Variants in ADGRF1 observed in about 807,000 individuals in gnomAD.
The protein encoded by ADGRF1 is G protein-coupled receptor 110.
In ADGRF1, 85 loss-of-function variants were observed where a neutral mutation model predicts 87.2. That is an observed-to-expected ratio of 0.97 (90% CI 0.82 to 1.17). The LOEUF (loss-of-function observed/expected upper bound fraction) is 1.17. Among genes scored for constraint, ADGRF1 ranks in the 50% most tolerant of loss-of-function variants. The pLI, the probability that ADGRF1 is intolerant of heterozygous loss-of-function variation, is 0.00. For missense variants in ADGRF1, 1,169 were observed against 1,077.2 expected (o/e 1.09, Z -1.19); for synonymous variants, 430 against 408.8 (o/e 1.05, Z -0.63).
chr6:47,028,896 G>A, intron 2 of ADGRF1, 97 bp downstream of exon 2: 1 of 869,250 alleles, frequency 1.2e-6, no homozygotes, highest in Non-Finnish European at 2.0e-6. Context: ...ATTAAATTAT[G>A]CAGTTGCAGT....
At chr6:47,033,721 C>A (rs149199766) in intron 1 of ADGRF1, among the ~76,000 whole-genome samples, 3 of 152,346 alleles carry the variant, frequency 2.0e-5, no homozygotes, top group Admixed American at 2.0e-4. Context: ...CTTTATCTCT[C>A]ATTTTATCAG....
intron 9 of ADGRF1, 177 bp downstream of exon 9, chr6:47,014,504 C>A: frequency 7.2e-7 from 1 of 1,379,380 alleles, no homozygotes; most frequent in Admixed American, 3.2e-5. Flanking sequence ...GCTGCCCAGA[C>A]GCTACCACTC....
chr6:47,027,869 C>T, intron 2 of ADGRF1, 108 bp from the exon 3 acceptor site: 1 of 771,532 alleles, frequency 1.3e-6, no homozygotes. Flanking sequence ...AAAATCCAAG[C>T]CAGGGATGGT....
chr6:47,027,810 C>A, intron 2 of ADGRF1, 49 bp from the exon 3 acceptor site: 1 of 1,044,798 alleles, frequency 9.6e-7, no homozygotes, highest in Non-Finnish European at 1.5e-6. Flanking sequence ...AAGAGTTGTG[C>A]TTCATAAGGC....
At chr6:47,005,701 G>A (rs1400107303) in intron 13 of ADGRF1, 116 bp downstream of exon 13, 1 of 640,680 alleles carries the variant, frequency 1.6e-6, no homozygotes, top group Non-Finnish European at 2.7e-6. Flanking sequence ...GGAATATAAT[G>A]GTGAAAGAAA....
At chr6:47,013,554 C>G in intron 9 of ADGRF1, 1 of 985,510 alleles carries the variant, frequency 1.0e-6, no homozygotes, top group Non-Finnish European at 1.2e-6. Context: ...TCCTTCTTTT[C>G]TGTGACTTGA....
At chr6:47,011,963 A>T in intron 10 of ADGRF1, 44 bp downstream of exon 10, 1 of 1,556,652 alleles carries the variant, frequency 6.4e-7, no homozygotes, top group Non-Finnish European at 8.8e-7. Flanking sequence ...CTCCTACAGG[A>T]TCAAGCATTT....
chr6:47,007,662 C>T (rs947019251), intron 11 of ADGRF1, among the ~76,000 whole-genome samples: 1 of 152,202 alleles, frequency 6.6e-6, no homozygotes, highest in Non-Finnish European at 1.5e-5. Context: ...TCTATGACGG[C>T]AGCAGGCACA....
At chr6:47,032,325 G>A (rs57919443) in intron 1 of ADGRF1, among the ~76,000 whole-genome samples, 2,632 of 152,230 alleles carry the variant, frequency 0.017, 82 homozygotes, top group African/African-American at 0.06. Flanking sequence ...CTGGGATACC[G>A]TTGGAAGATT....
intron 13 of ADGRF1, among the ~76,000 whole-genome samples, chr6:47,004,598 G>A (rs201157715): frequency 2.6e-4 from 40 of 152,202 alleles, no homozygotes; most frequent in African/African-American, 7.5e-4. Flanking sequence ...GGAGTGTCCC[G>A]TCTCATTATA....
chr6:47,009,236 A>G lies in ADGRF1; in HGVS notation c.2199T>C (p.Cys733=). Residue 733 remains cysteine (C), a synonymous_variant, in exon 11 of 15, where the codon TGT becomes TGC. Transcript: ENST00000371253. ...TGCTTCCATTGGACCAGTTAAGCCAACACACATCTTTCCTTTTGTAGGTAT... is the reference window on the plus strand; with the variant it reads ...TGCTTCCATTGGACCAGTTAAGCCAGCACACATCTTTCCTTTTGTAGGTAT... ...PSNTYKRKDV[C]WLNWSNGSKP... The G allele has an allele frequency of 1.9e-6, 3 of 1,614,188 alleles. No individual in the cohort carries two copies. The highest frequency in any genetic ancestry group is 2.5e-6 in the Non-Finnish European group (3 of 1,180,030).
intron 8 of ADGRF1, among the ~76,000 whole-genome samples, chr6:47,015,101 T>C (rs1779827399): frequency 1.3e-5 from 2 of 152,320 alleles, no homozygotes; most frequent in African/African-American, 4.8e-5. Context: ...AATATCACTT[T>C]TAATGGGCTA....
intron 1 of ADGRF1, among the ~76,000 whole-genome samples, chr6:47,034,218 G>A (rs569713272): frequency 1.3e-5 from 2 of 152,100 alleles, no homozygotes; most frequent in Non-Finnish European, 2.9e-5. Context: ...TCACATTCAG[G>A]TTTCATTATT....
At chr6:47,032,671 A>G (rs1780464049) in intron 1 of ADGRF1, among the ~76,000 whole-genome samples, 2 of 152,250 alleles carry the variant, frequency 1.3e-5, no homozygotes, top group Non-Finnish European at 2.9e-5. Context: ...CAAGGAAAAT[A>G]GTATTTAATT....
In ADGRF1 at chr6:47,016,864, G is replaced by A. The variant is rs1483242159; in HGVS notation, c.612-96C>T. The A allele has an allele frequency of 5.8e-6, 8 of 1,382,688 alleles. No homozygotes were observed. In the Admixed American group the frequency reaches 2.1e-4, roughly 37 times the overall value. The allele number at this position is 1,382,688 out of a possible 1,614,324, so 85.7% of individuals were successfully genotyped here. A position where few individuals can be genotyped will look rare whatever the true frequency, so the allele number is the denominator to read the frequency against. On this transcript the variant is annotated intron_variant, in intron 7 of 14. Transcript: ENST00000371253. ...TGTGTACATGCCATGGGGTCCATAG[G>A]AATAAAGTAAACAGAGCTTACATTC...
At chr6:47,010,475 C>T (rs1173238225) in intron 10 of ADGRF1, among the ~76,000 whole-genome samples, 157 bp from the exon 11 acceptor site, 3 of 152,160 alleles carry the variant, frequency 2.0e-5, no homozygotes, top group Admixed American at 6.5e-5. Flanking sequence ...TAGCTCAGTT[C>T]ATCTGTACAG....
At chr6:47,022,994 T>C (rs1356046448) in intron 5 of ADGRF1, among the ~76,000 whole-genome samples, 1 of 151,958 alleles carries the variant, frequency 6.6e-6, no homozygotes, top group Non-Finnish European at 1.5e-5. Context: ...GTATTTTTTG[T>C]AGAGATGCAT....
chr6:47,001,677 G>T, intron 13 of ADGRF1, 110 bp from the exon 14 acceptor site: 1 of 792,598 alleles, frequency 1.3e-6, no homozygotes, highest in Non-Finnish European at 2.0e-6. Context: ...CATTTTCATA[G>T]GTGCTATTCT....
At position 47,001,559 on chromosome 6, in the gene ADGRF1, T is replaced by A. The variant is rs756531837; in HGVS notation, c.2601A>T (p.Ser867=). 6.2e-7 allele frequency: 1 copy of A among 1,613,518 alleles called. No individual in the cohort carries two copies. Residue 867 remains serine, a synonymous_variant, in exon 14 of 15, where the codon TCA becomes TCT. Coordinates refer to ENST00000371253, the MANE Select transcript of ADGRF1 (RefSeq NM_153840.4). ...ATTTGGGTTTGGCAGATAAATCTGA[T>A]GAGTTTTGCTGCACAAAATAAAAAT... ...SSWKQTEKQN[S]SDLSAKPKFS...
Sources: allele counts gnomAD v4.1 joint callset (sites outside exome capture counted in the v4.1 genomes callset), GRCh38; gene constraint gnomAD v4.1.1; transcripts MANE v1.5; gene names NCBI Gene and HGNC (gene_info 2026-07-23, HGNC 2026-07-21).